Variants in THSD7A observed in about 807,000 individuals in gnomAD.
THSD7A encodes thrombospondin type 1 domain containing 7A, also known as thrombospondin type-1 domain-containing protein 7A.
Under a neutral mutation model 231.3 loss-of-function variants are expected in THSD7A, and 96 were observed. That is an observed-to-expected ratio of 0.41 (90% CI 0.35 to 0.49). THSD7A has a LOEUF of 0.49. THSD7A is among the 20% of genes least tolerant of loss of function. The probability of loss-of-function intolerance (pLI) is 0.05; values close to 1 mark genes in which losing one functional copy is unlikely to be tolerated. For synonymous variants in THSD7A, 940 were observed against 743.3 expected, an observed-to-expected ratio of 1.26 and a Z score of -4.30; for missense variants, 2,290 against 2,070.2, an observed-to-expected ratio of 1.11 and a Z score of -2.06.
chr7:11,455,809 A>T (rs1233770296), intron 11 of THSD7A, among the ~76,000 whole-genome samples: 1 of 152,046 alleles, frequency 6.6e-6, no homozygotes, highest in South Asian at 2.1e-4. Flanking sequence ...CAGTGCTGAG[A>T]TCATAAGTAA....
Position 11,541,712 on chromosome 7 carries a change from A to C in THSD7A, c.1610-81T>G, listed in dbSNP as rs1789157407. ...GAAAGTTGAATAAAACCTCAGAGTA[A>C]AAGTTGGATAAGAGTGGAGGTAGAA... On this transcript the variant is annotated intron_variant, in intron 5 of 27. Transcript: ENST00000423059. 5.3e-6 allele frequency: 7 copies of C among 1,330,822 alleles called. No individual in the cohort carries two copies. In the East Asian group the frequency reaches 1.7e-4, roughly 33 times the overall value. The allele number at this position is 1,330,822 out of a possible 1,614,324, so 82.4% of individuals were successfully genotyped here.
intron 8 of THSD7A, among the ~76,000 whole-genome samples, chr7:11,473,057 G>A (rs550189123): frequency 1.3e-5 from 2 of 152,190 alleles, no homozygotes; most frequent in East Asian, 3.9e-4. Context: ...ATTGGTTTGA[G>A]GTTACCTATT....
rs1268825265 is a variant in THSD7A at position 11,474,785 on chromosome 7, T to G, written c.2018-217A>C. Reference sequence around the variant, plus strand: ...TACACTCAAGGATCTCATAATGTAGTAGGGAAAAGTAGTAGGGGAGATAAG... The same window carrying G: ...TACACTCAAGGATCTCATAATGTAGGAGGGAAAAGTAGTAGGGGAGATAAG... On this transcript the variant is annotated intron_variant, in intron 7 of 27. Coordinates refer to ENST00000423059, the MANE Select transcript of THSD7A (RefSeq NM_015204.3). The surrounding 1 kb of genome is among the most constrained non-coding windows in gnomAD (Gnocchi z 4.1). Among the ~76,000 whole-genome samples the G allele has an allele frequency of 6.6e-6, 1 of 152,120 alleles. No homozygotes were observed. The highest frequency in any genetic ancestry group is 1.5e-5 in the Non-Finnish European group (1 of 68,022).
chr7:11,603,761 A>T (rs1780634055), intron 2 of THSD7A, among the ~76,000 whole-genome samples: 1 of 151,244 alleles, frequency 6.6e-6, no homozygotes. Flanking sequence ...CATCATTCTC[A>T]GTAAACTATC....
At chr7:11,767,834 T>A (rs1783078305) in intron 1 of THSD7A, among the ~76,000 whole-genome samples, 1 of 152,030 alleles carries the variant, frequency 6.6e-6, no homozygotes, top group African/African-American at 2.4e-5. Flanking sequence ...CAACAGAAGC[T>A]CCAACAAGGA....
At chr7:11,770,456 G>C (rs74857302) in intron 1 of THSD7A, among the ~76,000 whole-genome samples, 3,232 of 152,146 alleles carry the variant, frequency 0.021, 116 homozygotes, top group African/African-American at 0.074. Context: ...CAAGAGTATA[G>C]TTTAAAGAGC....
chr7:11,552,049 T>C (rs1789650381), intron 4 of THSD7A, among the ~76,000 whole-genome samples: 1 of 152,020 alleles, frequency 6.6e-6, no homozygotes, highest in Admixed American at 6.6e-5. Flanking sequence ...ATTATCCTTA[T>C]TCAAATTACT....
At chr7:11,759,614 C>T (rs1301288466) in intron 1 of THSD7A, among the ~76,000 whole-genome samples, 2 of 151,842 alleles carry the variant, frequency 1.3e-5, no homozygotes, top group Non-Finnish European at 2.9e-5. Flanking sequence ...ATTCAGAAAG[C>T]CAAGCGAATT....
At chr7:11,471,767 A>G (rs1785949213) in intron 8 of THSD7A, among the ~76,000 whole-genome samples, 1 of 152,168 alleles carries the variant, frequency 6.6e-6, no homozygotes. Context: ...ATAAATCAGT[A>G]GAATTACAAT....
intron 25 of THSD7A, 109 bp from the exon 26 acceptor site, chr7:11,379,389 A>G (rs1023549279): frequency 2.8e-6 from 3 of 1,061,798 alleles, no homozygotes; most frequent in Non-Finnish European, 2.8e-6. Flanking sequence ...GGGAATTACT[A>G]TACATAATTC....
intron 1 of THSD7A, among the ~76,000 whole-genome samples, chr7:11,789,377 T>C (rs1341214663): frequency 2.0e-5 from 3 of 152,042 alleles, no homozygotes; most frequent in Non-Finnish European, 4.4e-5. Flanking sequence ...ATGATCATAC[T>C]GACTGCTGTG....
In THSD7A at chr7:11,598,810, CA is replaced by C. The variant is rs1780454144; in HGVS notation, c.1023-5309del. 3.3e-5 allele frequency among the ~76,000 whole-genome samples: 5 copies of C among 152,260 alleles called. No homozygotes were observed. In the South Asian group the frequency reaches 1.0e-3, roughly 32 times the overall value. On this transcript the variant is annotated intron_variant, in intron 2 of 27. Transcript: ENST00000423059. Reference sequence around the variant, plus strand: ...GCAAAATTTTTGCTTCCTGTTCCTGCAACATTACGTTCTGTTGACCTAGAGG... The same window carrying C: ...GCAAAATTTTTGCTTCCTGTTCCTGCACATTACGTTCTGTTGACCTAGAGG...
At chr7:11,443,629 A>G (rs1245801428) in intron 13 of THSD7A, among the ~76,000 whole-genome samples, 1 of 151,944 alleles carries the variant, frequency 6.6e-6, no homozygotes, top group Admixed American at 6.6e-5. Flanking sequence ...TTTTACCTTA[A>G]ATATACACAA....
At chr7:11,561,151 T>A (rs62434493) in intron 4 of THSD7A, among the ~76,000 whole-genome samples, 2,313 of 152,238 alleles carry the variant, frequency 0.015, 44 homozygotes, top group East Asian at 0.04. Context: ...TAATTACTAC[T>A]CCATGTAATC....
At chr7:11,792,964 T>C (rs1784006423) in intron 1 of THSD7A, among the ~76,000 whole-genome samples, 1 of 151,972 alleles carries the variant, frequency 6.6e-6, no homozygotes. Flanking sequence ...CAATATCCCA[T>C]AGCATTATGA....
intron 1 of THSD7A, among the ~76,000 whole-genome samples, chr7:11,788,183 T>C (rs1783847428): frequency 6.6e-6 from 1 of 152,104 alleles, no homozygotes; most frequent in Admixed American, 6.6e-5. Flanking sequence ...TTTGTGTCAT[T>C]AATATCTCTT....
intron 1 of THSD7A, among the ~76,000 whole-genome samples, chr7:11,700,720 G>A (rs533121975): frequency 1.3e-5 from 2 of 151,200 alleles, no homozygotes; most frequent in East Asian, 2.0e-4. Context: ...TCATATGTCA[G>A]GATTGTTGAG....
At chr7:11,677,113 C>T (rs542357176) in intron 1 of THSD7A, among the ~76,000 whole-genome samples, 1 of 152,198 alleles carries the variant, frequency 6.6e-6, no homozygotes, top group African/African-American at 2.4e-5. Context: ...GGCTAACATT[C>T]AACATTTTTA....
intron 1 of THSD7A, among the ~76,000 whole-genome samples, chr7:11,705,735 C>G (rs1780745103): frequency 6.6e-6 from 1 of 150,946 alleles, no homozygotes; most frequent in Non-Finnish European, 1.5e-5. Flanking sequence ...TTTAGAGTAT[C>G]ACAACCCATT....
Sources: gnomAD v4.1 joint callset for allele counts (sites outside exome capture counted in the v4.1 genomes callset) on GRCh38, gnomAD v4.1.1 for gene constraint, Gnocchi (gnomAD v3.1) non-coding constraint, MANE v1.5 for transcripts, NCBI Gene and HGNC (gene_info 2026-07-23, HGNC 2026-07-21) for gene names.